IL20RB: variants seen among roughly 807,000 people sequenced by gnomAD.
IL20RB encodes the protein interleukin-20 receptor subunit beta.
Under a neutral mutation model 33.3 loss-of-function variants are expected in IL20RB, and 21 were observed. That is an observed-to-expected ratio of 0.63 (90% CI 0.45 to 0.91). The LOEUF is 0.91. Among genes scored for constraint, IL20RB ranks in the 40% least tolerant of loss-of-function variants. The pLI, the probability that IL20RB is intolerant of heterozygous loss-of-function variation, is 0.00. For missense variants in IL20RB, 345 were observed against 384.8 expected (o/e 0.90, Z 0.86); for synonymous variants, 147 against 146.8 (o/e 1.00, Z -0.01).
chr3:136,961,846 AATT>A (rs1941225060), intron 1 of IL20RB, among the ~76,000 whole-genome samples: 1 of 152,190 alleles, frequency 6.6e-6, no homozygotes, highest in Non-Finnish European at 1.5e-5. Context: ...GTAAATCTAA[AATT>A]ATTCCAAAAA....
At chr3:136,997,237 C>T (rs181451126) in intron 6 of IL20RB, among the ~76,000 whole-genome samples, 246 of 152,050 alleles carry the variant, frequency 1.6e-3, no homozygotes, top group African/African-American at 5.6e-3. Context: ...GGATTACAGA[C>T]GCCTGCCACC....
At chr3:137,010,038 A>T in intron 6 of IL20RB, 75 bp from the exon 7 acceptor site, 1 of 756,780 alleles carries the variant, frequency 1.3e-6, no homozygotes, top group African/African-American at 1.8e-5. Context: ...TCAAATAGTT[A>T]AAAATGTAAT....
intron 1 of IL20RB, among the ~76,000 whole-genome samples, chr3:136,958,773 A>G (rs896053188): frequency 4.6e-5 from 7 of 152,290 alleles, no homozygotes; most frequent in Non-Finnish European, 8.8e-5. Context: ...GCTTGTACCT[A>G]TCTGCTTTAT....
At chr3:137,001,177 A>G (rs1375598940) in intron 6 of IL20RB, among the ~76,000 whole-genome samples, 2 of 152,132 alleles carry the variant, frequency 1.3e-5, no homozygotes, top group African/African-American at 2.4e-5. Context: ...AGTATGACCA[A>G]TTTCATCCAT....
chr3:136,986,236 TAAATAAATAAATAAATAAATAAAA>T (rs1174859760), intron 3 of IL20RB, among the ~76,000 whole-genome samples: 23 of 132,108 alleles, frequency 1.7e-4, no homozygotes, highest in Admixed American at 4.9e-4. Context: ...AATAAATAAA[TAAATAAATAAATAAATAAATAAAA>T]ATAAAACAGG....
chr3:136,999,050 A>G (rs1200919694), intron 6 of IL20RB, among the ~76,000 whole-genome samples: 3 of 152,010 alleles, frequency 2.0e-5, no homozygotes, highest in Non-Finnish European at 2.9e-5. Flanking sequence ...GAATCTGTAC[A>G]TGTATATATT....
At chr3:136,976,054 C>T (rs935179446) in intron 1 of IL20RB, among the ~76,000 whole-genome samples, 12 of 152,176 alleles carry the variant, frequency 7.9e-5, no homozygotes, top group Non-Finnish European at 1.6e-4. Context: ...GTGTGTAGGA[C>T]AGTCTCCAGG....
At chr3:136,987,771 G>T (rs915772196) in intron 3 of IL20RB, among the ~76,000 whole-genome samples, 1 of 152,202 alleles carries the variant, frequency 6.6e-6, no homozygotes, top group Non-Finnish European at 1.5e-5. Context: ...AATCTAGCAC[G>T]GCGCCGGTGG....
At chr3:136,983,990 C>T (rs1047585799) in intron 3 of IL20RB, among the ~76,000 whole-genome samples, 50 of 152,128 alleles carry the variant, frequency 3.3e-4, no homozygotes, top group African/African-American at 1.2e-3. Context: ...GCACATGCCA[C>T]CATGCCTGAC....
At chr3:136,988,611 T>C (rs1941964808) in intron 3 of IL20RB, among the ~76,000 whole-genome samples, 1 of 151,920 alleles carries the variant, frequency 6.6e-6, no homozygotes, top group South Asian at 2.1e-4. Flanking sequence ...AGTGCGGTGA[T>C]GTGTGCCTGT....
chr3:136,959,803 G>GT (rs1941168711), intron 1 of IL20RB, among the ~76,000 whole-genome samples: 1 of 152,142 alleles, frequency 6.6e-6, no homozygotes, highest in African/African-American at 2.4e-5. Context: ...TTTTGGCTCT[G>GT]TTACTCACTA....
At chr3:136,962,299 G>A (rs906576105) in intron 1 of IL20RB, among the ~76,000 whole-genome samples, 3 of 152,180 alleles carry the variant, frequency 2.0e-5, no homozygotes, top group African/African-American at 7.2e-5. Flanking sequence ...TTAACCAAGT[G>A]ATCAGGGTGG....
At chr3:136,978,395 A>G (rs927588660) in intron 1 of IL20RB, among the ~76,000 whole-genome samples, 5 of 151,618 alleles carry the variant, frequency 3.3e-5, no homozygotes, top group Non-Finnish European at 7.4e-5. Flanking sequence ...CGAACTCCTG[A>G]CCTCAGCTGA....
intron 6 of IL20RB, among the ~76,000 whole-genome samples, chr3:137,001,089 A>G (rs371815160): frequency 6.6e-6 from 1 of 152,212 alleles, no homozygotes; most frequent in African/African-American, 2.4e-5. Context: ...CTGATGTATC[A>G]TGAGCCACAC....
chr3:136,995,273 C>A, intron 5 of IL20RB, 141 bp from the exon 6 acceptor site: 2 of 946,288 alleles, frequency 2.1e-6, no homozygotes, highest in Non-Finnish European at 3.2e-6. Context: ...GTCACTAGGG[C>A]ACACATCAAA....
chr3:137,000,618 G>C (rs1369363960), intron 6 of IL20RB, among the ~76,000 whole-genome samples: 1 of 152,200 alleles, frequency 6.6e-6, no homozygotes, highest in African/African-American at 2.4e-5. Flanking sequence ...TGGTCTGATT[G>C]GTGCTCTCCT....
intron 6 of IL20RB, among the ~76,000 whole-genome samples, chr3:136,999,858 C>A (rs543474226): frequency 1.3e-5 from 2 of 151,888 alleles, no homozygotes; most frequent in Non-Finnish European, 1.5e-5. Flanking sequence ...AGTAAATATT[C>A]TCTGCTGAGA....
At chr3:136,967,239 C>T (rs1219944771) in intron 1 of IL20RB, among the ~76,000 whole-genome samples, 7 of 151,666 alleles carry the variant, frequency 4.6e-5, no homozygotes, top group Non-Finnish European at 1.0e-4. Context: ...GAGCTCAATT[C>T]CTGGGTATCC....
In IL20RB at chr3:136,982,367, C is replaced by G. The variant is rs1180459421; in HGVS notation, c.406+17C>G. Reference sequence around the variant, plus strand: ...GAAACTCAAGTAAGGCACTTCTCTCCTTACACTCCCACCCCAACCAGCCCC... The same window carrying G: ...GAAACTCAAGTAAGGCACTTCTCTCGTTACACTCCCACCCCAACCAGCCCC... On this transcript the variant is annotated intron_variant, in intron 3 of 6. Transcript: ENST00000329582. 3 of 1,544,136 alleles carry G rather than the reference C, an allele frequency of 1.9e-6. No individual in the cohort carries two copies. In the African/African-American group the frequency reaches 4.1e-5, roughly 21 times the overall value.
Sources: gnomAD v4.1 joint callset for allele counts (sites outside exome capture counted in the v4.1 genomes callset) on GRCh38, gnomAD v4.1.1 for gene constraint, MANE v1.5 for transcripts, NCBI Gene and HGNC (gene_info 2026-07-23, HGNC 2026-07-21) for gene names.